Variants in IP6K2 observed in about 807,000 individuals in gnomAD.
The protein encoded by IP6K2 is ATP:1D-myo-inositol-hexakisphosphate phosphotransferase.
Under a neutral mutation model 43.3 loss-of-function variants are expected in IP6K2, and 9 were observed. The ratio of observed to expected loss-of-function variants is 0.21; its 90% confidence interval spans 0.13 to 0.36. The LOEUF (loss-of-function observed/expected upper bound fraction) is 0.36, where lower values mean the gene tolerates loss of function less well. Among genes scored for constraint, IP6K2 ranks in the 10% least tolerant of loss-of-function variants. The pLI, the probability that IP6K2 is intolerant of heterozygous loss-of-function variation, is 1.00. For missense variants in IP6K2, 332 were observed against 538.4 expected (o/e 0.62, Z 3.79); for synonymous variants, 209 against 202.4 (o/e 1.03, Z -0.28).
intron 1 of IP6K2, among the ~76,000 whole-genome samples, chr3:48,714,220 C>T (rs1020887056): frequency 1.1e-4 from 17 of 152,302 alleles, no homozygotes; most frequent in South Asian, 6.2e-4. Flanking sequence ...GATCCTGCCA[C>T]CACACCCAGC....
chr3:48,694,024 T>TTAAAAAA, intron 2 of IP6K2: 1 of 1,404,732 alleles, frequency 7.1e-7, no homozygotes, highest in South Asian at 1.6e-5. Context: ...CTCCCAGGCC[T>TTAAAAAA]CTCTGCCCCA....
chr3:48,698,595 G>A (rs930702727), intron 1 of IP6K2, among the ~76,000 whole-genome samples: 45 of 152,220 alleles, frequency 3.0e-4, no homozygotes, highest in African/African-American at 1.0e-3. Flanking sequence ...TCAGCCTCCC[G>A]AGAAGCTGAG....
chr3:48,705,458 C>T (rs948796969), intron 1 of IP6K2, among the ~76,000 whole-genome samples: 5 of 151,920 alleles, frequency 3.3e-5, no homozygotes, highest in African/African-American at 9.7e-5. Context: ...GCGGGCGGAT[C>T]ACGAGGTCAA....
At position 48,688,801 on chromosome 3, in the gene IP6K2, G is replaced by A. The variant is rs1337585340; in HGVS notation, c.781-28C>T. The stretch of plus-strand genomic sequence containing the variant: ...GTAGGAGAGAGACCAGCAAGTCAGG[G>A]GCTGAGGGCCATCTCAAACCCTGGA... On this transcript the variant is annotated intron_variant, in intron 5 of 5. Transcript: ENST00000328631. This position sits in a 1 kb window ranked among gnomAD's most constrained non-coding sequence, Gnocchi z 5.1. 1.3e-6 allele frequency: 2 copies of A among 1,575,008 alleles called. No individual in the cohort carries two copies. The highest frequency in any genetic ancestry group is 2.7e-5 in the African/African-American group (2 of 74,136).
chr3:48,694,547 G>A, intron 2 of IP6K2: 1 of 1,521,176 alleles, frequency 6.6e-7, no homozygotes, highest in South Asian at 1.3e-5. Context: ...ATTATAAAAA[G>A]AAATAAAAAA....
chr3:48,715,458 TC>T (rs1288825541), intron 1 of IP6K2: 1 of 1,535,708 alleles, frequency 6.5e-7, no homozygotes, highest in Non-Finnish European at 8.7e-7. Context: ...GCTCCTTCTT[TC>T]CTGGCACATT....
chr3:48,694,818 G>A, intron 2 of IP6K2: 1 of 1,536,438 alleles, frequency 6.5e-7, no homozygotes, highest in South Asian at 1.2e-5. Flanking sequence ...CTGTGATCAA[G>A]AGACACCTGA....
intron 1 of IP6K2, among the ~76,000 whole-genome samples, chr3:48,707,155 TTATAA>T (rs1242955423): frequency 2.0e-5 from 3 of 152,216 alleles, no homozygotes; most frequent in Non-Finnish European, 4.4e-5. Flanking sequence ...TGTTTCAAAC[TTATAA>T]TATCCTCCAA....
In IP6K2 at chr3:48,688,836, G is replaced by A. The variant is rs1308979320; in HGVS notation, c.781-63C>T. ...CATCTCAAACCCTGGACCCCGGGCG[G>A]GGGTGGGGTGGTGTGGTGGTGGCGG... On this transcript the variant is annotated intron_variant, in intron 5 of 5. Transcript: ENST00000328631. The surrounding 1 kb of genome is among the most constrained non-coding windows in gnomAD (Gnocchi z 5.1). The A allele has an allele frequency of 6.5e-7, 1 of 1,530,702 alleles. No homozygotes were observed. Among genetic ancestry groups the A allele is most frequent in the Non-Finnish European group, 8.8e-7 (1 of 1,140,350 alleles). The allele number at this position is 1,530,702 out of a possible 1,614,324, so 94.8% of individuals were successfully genotyped here.
chr3:48,715,563 C>G (rs2081095265), intron 1 of IP6K2: 2 of 1,168,440 alleles, frequency 1.7e-6, no homozygotes, highest in Non-Finnish European at 2.4e-6. Flanking sequence ...ATATCTGTTA[C>G]ACTGATTTCT....
At chr3:48,694,957 AAGG>A (rs760932933) in intron 2 of IP6K2, 130 bp downstream of exon 2, 1 of 1,581,108 alleles carries the variant, frequency 6.3e-7, no homozygotes, top group Non-Finnish European at 8.6e-7. Context: ...GGAGGAGGAG[AAGG>A]AGGAGAGGGA....
At chr3:48,696,244 T>C (rs184456898) in intron 1 of IP6K2, among the ~76,000 whole-genome samples, 9 of 152,248 alleles carry the variant, frequency 5.9e-5, no homozygotes, top group Non-Finnish European at 1.2e-4. Context: ...ACTCATTATC[T>C]AGTAAGACTC....
In IP6K2 at chr3:48,695,522, G is replaced by A. The variant is rs1209658277; in HGVS notation, c.-130-101C>T. On this transcript the variant is annotated intron_variant, in intron 1 of 5. Transcript: ENST00000328631. The surrounding 1 kb of genome is among the most constrained non-coding windows in gnomAD (Gnocchi z 4.6). ...TTCAGCAGAAAGACAAAGACAAACA[G>A]TCTGAGTTCTTGCGGGACTCCGCCC... The A allele has an allele frequency of 6.2e-6, 8 of 1,287,082 alleles. No individual in the cohort carries two copies. The highest frequency in any genetic ancestry group is 4.9e-6 in the Non-Finnish European group (5 of 1,015,344). 79.7% of individuals were successfully genotyped at this position (1,287,082 alleles called of 1,614,324 possible).
chr3:48,693,850 T>C (rs771660174), intron 2 of IP6K2: 69 of 1,154,422 alleles, frequency 6.0e-5, no homozygotes, highest in Non-Finnish European at 6.9e-5. Context: ...ATAGAGCTGG[T>C]TGGGGAGCAC....
At chr3:48,715,276 T>C in intron 1 of IP6K2, 3 of 1,535,870 alleles carry the variant, frequency 2.0e-6, no homozygotes, top group Non-Finnish European at 2.6e-6. Context: ...TCTTCCCCAG[T>C]GCATCCTCTT....
rs986887954 is a variant in IP6K2, at chr3:48,715,259, G to C, written c.-131+1898C>G. On this transcript the variant is annotated intron_variant, in intron 1 of 5. Transcript: ENST00000328631. ...CTAGGTGAAATAACTTCACTTAAAGGGAAAATTCTTCCCCAGTGCATCCTC... is the reference window on the plus strand; with the variant it reads ...CTAGGTGAAATAACTTCACTTAAAGCGAAAATTCTTCCCCAGTGCATCCTC... 5 of 1,532,308 alleles carry C rather than the reference G, an allele frequency of 3.3e-6. No individual in the cohort carries two copies. In the African/African-American group the frequency reaches 6.9e-5, roughly 21 times the overall value. 94.9% of individuals were successfully genotyped at this position (1,532,308 alleles called of 1,614,324 possible). A position where few individuals can be genotyped will look rare whatever the true frequency, so the allele number is the denominator to read the frequency against.
rs1451962005 is a variant in IP6K2, at chr3:48,689,528, T to TC, written c.780+9dup. On this transcript the variant is annotated intron_variant, in intron 5 of 5. Coordinates refer to ENST00000328631, the MANE Select transcript of IP6K2 (RefSeq NM_016291.4). ...CTGGATGCCCTAGCCAGCCCTAGCA[T>TC]CCCCCTCACCTGCATGCCACACACA... is the stretch of plus-strand genomic sequence containing the variant. The TC allele has an allele frequency of 5.6e-6, 9 of 1,606,014 alleles. No individual in the cohort carries two copies. Among genetic ancestry groups the TC allele is most frequent in the African/African-American group, 1.3e-5 (1 of 74,726 alleles).
chr3:48,689,429 G>T, intron 5 of IP6K2, 109 bp downstream of exon 5: 1 of 1,160,346 alleles, frequency 8.6e-7, no homozygotes, highest in Non-Finnish European at 1.2e-6. Flanking sequence ...TGGGATTACA[G>T]GTGTGAGCCA....
intron 1 of IP6K2, among the ~76,000 whole-genome samples, chr3:48,696,134 C>T (rs923119688): frequency 6.6e-6 from 1 of 151,902 alleles, no homozygotes; most frequent in Non-Finnish European, 1.5e-5. Flanking sequence ...TCTGCCCATT[C>T]GGTCTCCCAA....
Sources: allele counts gnomAD v4.1 joint callset (sites outside exome capture counted in the v4.1 genomes callset), GRCh38; gene constraint gnomAD v4.1.1; non-coding constraint Gnocchi (gnomAD v3.1); transcripts MANE v1.5; gene names NCBI Gene and HGNC (gene_info 2026-07-23, HGNC 2026-07-21).